Variants in GRID2 observed in about 807,000 individuals in gnomAD.
GRID2 encodes the protein glutamate receptor ionotropic, delta-2.
In GRID2, 33 loss-of-function variants were observed where a neutral mutation model predicts 114.8. The ratio of observed to expected loss-of-function variants is 0.29; its 90% CI spans 0.22 to 0.38. The LOEUF (loss-of-function observed/expected upper bound fraction) is 0.38, where lower values mean the gene tolerates loss of function less well. Ranked by LOEUF, GRID2 falls within the 10% of genes least tolerant of loss-of-function variation. The pLI is 1.00. For missense variants in GRID2, 1,184 were observed against 1,257.7 expected (o/e 0.94, Z 0.89); for synonymous variants, 505 against 449.9 (o/e 1.12, Z -1.55).
chr4:92,356,288 A>G (rs748401263), intron 1 of GRID2, among the ~76,000 whole-genome samples: 1 of 151,472 alleles, frequency 6.6e-6, no homozygotes, highest in African/African-American at 2.4e-5. Flanking sequence ...TCTGCTTTGT[A>G]TATATATTTT....
At chr4:93,021,954 T>G (rs1402540222) in intron 2 of GRID2, among the ~76,000 whole-genome samples, 1 of 151,098 alleles carries the variant, frequency 6.6e-6, no homozygotes, top group Admixed American at 6.6e-5. Context: ...AAACTTCATA[T>G]TACATTGGTG....
chr4:93,044,520 T>C (rs1291109095), intron 2 of GRID2, among the ~76,000 whole-genome samples: 1 of 152,164 alleles, frequency 6.6e-6, no homozygotes, highest in African/African-American at 2.4e-5. Context: ...AATGTTCAAA[T>C]TGATCTGCAG....
chr4:92,951,992 T>G lies in GRID2; in HGVS notation c.245-133003T>G, dbSNP rs141412341. On this transcript the variant is annotated intron_variant, in intron 2 of 15. Transcript: ENST00000282020. The stretch of plus-strand genomic sequence containing the variant: ...TAAGGCTTTCCTAATATTTTTATAT[T>G]AAAAACAATGATTCAGTGAAACACT... 6.2e-4 allele frequency among the ~76,000 whole-genome samples: 94 copies of G among 152,310 alleles called. 1 individual carries two copies. The highest frequency in any genetic ancestry group is 2.0e-3 in the African/African-American group (85 of 41,580).
chr4:93,168,286 G>A (rs896328706), intron 4 of GRID2, among the ~76,000 whole-genome samples: 1 of 150,940 alleles, frequency 6.6e-6, no homozygotes, highest in African/African-American at 2.4e-5. Context: ...GAAAGGAAAG[G>A]GGAAGAAAGA....
At position 93,238,616 on chromosome 4, in the gene GRID2, G is replaced by A; in HGVS notation, c.1245+126G>A. 9 of 639,784 alleles carry A rather than the reference G, an allele frequency of 1.4e-5. No individual in the cohort carries two copies. In the South Asian group the frequency reaches 2.2e-4, roughly 16 times the overall value. The allele number at this position is 639,784 out of a possible 1,614,324, so 39.6% of individuals were successfully genotyped here. A position where few individuals can be genotyped will look rare whatever the true frequency, so the allele number is the denominator to read the frequency against. ...TGTAGTGTGAAAGAGAAAGCAGGGGGTGAGGGGAAATTAGGCATTGAAATG... is the reference window on the plus strand; with the variant it reads ...TGTAGTGTGAAAGAGAAAGCAGGGGATGAGGGGAAATTAGGCATTGAAATG... On this transcript the variant is annotated intron_variant, in intron 8 of 15. Transcript: ENST00000282020.
intron 2 of GRID2, among the ~76,000 whole-genome samples, chr4:92,972,741 A>T (rs1174355482): frequency 6.6e-6 from 1 of 151,646 alleles, no homozygotes; most frequent in Non-Finnish European, 1.5e-5. Context: ...ACTTTTCCTG[A>T]TCCTCTCCCT....
At chr4:93,240,147 T>C (rs1747316988) in intron 8 of GRID2, among the ~76,000 whole-genome samples, 2 of 151,618 alleles carry the variant, frequency 1.3e-5, no homozygotes, top group African/African-American at 4.8e-5. Context: ...CTGTAGGTTT[T>C]GTATCCAGAA....
chr4:92,787,432 T>G (rs955424511), intron 2 of GRID2, among the ~76,000 whole-genome samples: 2 of 151,490 alleles, frequency 1.3e-5, no homozygotes, highest in Admixed American at 6.6e-5. Flanking sequence ...GGTTACATTT[T>G]AGAAAAAAGA....
At chr4:92,306,288 C>G (rs370687741) in intron 1 of GRID2, among the ~76,000 whole-genome samples, 1 of 152,236 alleles carries the variant, frequency 6.6e-6, no homozygotes, top group African/African-American at 2.4e-5. Context: ...AGCGTTTGTG[C>G]ATTAAGTAAG....
At chr4:92,447,199 C>T (rs1331996850) in intron 1 of GRID2, among the ~76,000 whole-genome samples, 11 of 152,108 alleles carry the variant, frequency 7.2e-5, no homozygotes, top group Non-Finnish European at 1.5e-4. Flanking sequence ...TGTGATAATA[C>T]ATTACCTCAA....
chr4:92,582,554 T>C (rs897533512), intron 1 of GRID2, among the ~76,000 whole-genome samples: 4 of 151,916 alleles, frequency 2.6e-5, no homozygotes, highest in African/African-American at 9.7e-5. Context: ...CTTCAAAGTA[T>C]GCAAAAAGTA....
chr4:92,932,055 TAAG>T (rs1021555708), intron 2 of GRID2, among the ~76,000 whole-genome samples: 7 of 150,976 alleles, frequency 4.6e-5, no homozygotes, highest in African/African-American at 1.7e-4. Context: ...TGGCAAAAAA[TAAG>T]AAGCATCAAG....
rs371614361 is a variant in GRID2 at position 92,590,120 on chromosome 4, C to T, written c.89-11C>T. ...TGTTATTATTTAATGGCAAAATTCA[C>T]TTCTTTCTAGGAGCAATTTTTGATG... On this transcript the variant is annotated splice_polypyrimidine_tract_variant and intron_variant, in intron 1 of 15. Coordinates refer to ENST00000282020, the MANE Select transcript of GRID2 (RefSeq NM_001510.4). The T allele has an allele frequency of 1.8e-5, 28 of 1,596,190 alleles. No individual in the cohort carries two copies. Among genetic ancestry groups the T allele is most frequent in the African/African-American group, 4.0e-5 (3 of 74,564 alleles).
intron 2 of GRID2, among the ~76,000 whole-genome samples, chr4:92,916,984 GT>G (rs1354934188): frequency 1.3e-5 from 2 of 152,130 alleles, no homozygotes; most frequent in Non-Finnish European, 2.9e-5. Flanking sequence ...CACCAACAGT[GT>G]AAAAGTGTTC....
intron 4 of GRID2, among the ~76,000 whole-genome samples, chr4:93,175,608 G>A (rs1384356428): frequency 1.3e-5 from 2 of 151,974 alleles, no homozygotes; most frequent in East Asian, 1.9e-4. Flanking sequence ...TTGGTCAAGG[G>A]ATTTATAAGC....
rs754686289 is a variant in GRID2 at position 92,915,657 on chromosome 4, C to A, written c.245-169338C>A. Among the ~76,000 whole-genome samples, 128 of 152,194 alleles carry A rather than the reference C, an allele frequency of 8.4e-4. 1 individual carries two copies. The highest frequency in any genetic ancestry group is 3.4e-3 in the Middle Eastern group (1 of 294). ...ATCAACCCACTACTCTTTTCCATAA[C>A]AGTGGAACTAATTTACACTCCCACC... On this transcript the variant is annotated intron_variant, in intron 2 of 15. Coordinates refer to ENST00000282020, the MANE Select transcript of GRID2 (RefSeq NM_001510.4).
chr4:93,680,019 A>G (rs1560897391), intron 14 of GRID2, among the ~76,000 whole-genome samples: 1 of 151,268 alleles, frequency 6.6e-6, no homozygotes, highest in Non-Finnish European at 1.5e-5. Flanking sequence ...AACAAAATTG[A>G]TAGACCGCTA....
intron 11 of GRID2, among the ~76,000 whole-genome samples, chr4:93,463,765 G>A (rs1186086727): frequency 6.6e-6 from 1 of 151,940 alleles, no homozygotes; most frequent in Non-Finnish European, 1.5e-5. Context: ...CAAGGTGGGT[G>A]GATCAGGAGG....
intron 2 of GRID2, among the ~76,000 whole-genome samples, chr4:92,677,793 T>TTTTG (rs1238235080): frequency 6.6e-6 from 1 of 152,116 alleles, no homozygotes; most frequent in Non-Finnish European, 1.5e-5. Flanking sequence ...GGTGGCAAGC[T>TTTTG]TTTGTTTGTT....
Sources: gnomAD v4.1 joint callset for allele counts (sites outside exome capture counted in the v4.1 genomes callset) on GRCh38, gnomAD v4.1.1 for gene constraint, MANE v1.5 for transcripts, NCBI Gene and HGNC (gene_info 2026-07-23, HGNC 2026-07-21) for gene names.